Variants in NBEA observed in about 807,000 individuals in gnomAD.
NBEA encodes lysosomal-trafficking regulator 2.
In NBEA, 44 loss-of-function variants were observed where a neutral mutation model predicts 343.4. That is an observed-to-expected ratio of 0.13 (90% CI 0.10 to 0.16). NBEA has a LOEUF of 0.16. NBEA is among the 10% of genes least tolerant of loss of function. NBEA has a pLI of 1.00. For synonymous variants in NBEA, 1,175 were observed against 1,238.7 expected (o/e 0.95, Z 1.08); for missense variants, 2,555 against 3,631.3 (o/e 0.70, Z 7.62).
At chr13:35,400,020 TG>T (rs2042923454) in intron 38 of NBEA, among the ~76,000 whole-genome samples, 4 of 151,224 alleles carry the variant, frequency 2.6e-5, no homozygotes, top group African/African-American at 4.9e-5. Flanking sequence ...CTAAAACAGT[TG>T]TAGTAACATC....
intron 41 of NBEA, among the ~76,000 whole-genome samples, chr13:35,529,650 A>G (rs1179588334): frequency 1.3e-5 from 2 of 152,198 alleles, no homozygotes; most frequent in East Asian, 1.9e-4. Context: ...TCAAATAACC[A>G]TCTGATTCAG....
chr13:35,001,938 T>C (rs976957042), intron 1 of NBEA, among the ~76,000 whole-genome samples: 4 of 152,194 alleles, frequency 2.6e-5, no homozygotes, highest in Non-Finnish European at 5.9e-5. Flanking sequence ...ACAATTATTA[T>C]GTTAATTAAA....
At chr13:35,034,724 G>A (rs2062375158) in intron 1 of NBEA, among the ~76,000 whole-genome samples, 1 of 151,794 alleles carries the variant, frequency 6.6e-6, no homozygotes, top group African/African-American at 2.4e-5. Flanking sequence ...TTATTAATCT[G>A]TTCAGGTTTT....
In NBEA at chr13:35,593,314, G is replaced by GT. The variant is rs751069153; in HGVS notation, c.7177-7dup. The GT allele has an allele frequency of 5.6e-6, 9 of 1,610,562 alleles. No homozygotes were observed. The highest frequency in any genetic ancestry group is 3.3e-5 in the South Asian group (3 of 90,710). Reference sequence around the variant, plus strand: ...TTAGAGTGGTCAAATTTCTGATTCTGTTTTTTTGCTTAGGAACCTTTCACA... The same window carrying GT: ...TTAGAGTGGTCAAATTTCTGATTCTGTTTTTTTTGCTTAGGAACCTTTCACA... On this transcript the variant is annotated splice_polypyrimidine_tract_variant and intron_variant, in intron 46 of 58. Transcript: ENST00000379939.
chr13:35,637,588 C>G (rs1302679317), intron 49 of NBEA, among the ~76,000 whole-genome samples: 1 of 152,072 alleles, frequency 6.6e-6, no homozygotes, highest in Non-Finnish European at 1.5e-5. Context: ...CTTTGGGAGG[C>G]TGAGGCAGGC....
intron 11 of NBEA, among the ~76,000 whole-genome samples, chr13:35,108,047 C>G (rs1243885179): frequency 1.3e-5 from 2 of 151,946 alleles, no homozygotes; most frequent in Admixed American, 1.3e-4. Context: ...TTGAGTTATC[C>G]TTATTATGAG....
chr13:35,480,355 A>G (rs1397524238), intron 41 of NBEA, among the ~76,000 whole-genome samples: 1 of 152,034 alleles, frequency 6.6e-6, no homozygotes, highest in Non-Finnish European at 1.5e-5. Flanking sequence ...TTTGTTTTCG[A>G]AAAAAACCTG....
intron 36 of NBEA, among the ~76,000 whole-genome samples, chr13:35,314,018 T>C (rs893947633): frequency 6.6e-6 from 1 of 152,090 alleles, no homozygotes; most frequent in Non-Finnish European, 1.5e-5. Context: ...GAAGGCAATA[T>C]TGACAGCATA....
intron 27 of NBEA, among the ~76,000 whole-genome samples, chr13:35,174,239 T>C (rs1005704256): frequency 6.6e-5 from 10 of 152,148 alleles, no homozygotes; most frequent in African/African-American, 2.4e-4. Flanking sequence ...TTCCATAAAG[T>C]ATTCATCCTT....
chr13:35,297,099 C>T (rs1032399755), intron 35 of NBEA, among the ~76,000 whole-genome samples: 2 of 151,936 alleles, frequency 1.3e-5, no homozygotes, highest in African/African-American at 2.4e-5. Context: ...AGATGATAGA[C>T]ATTATTCAGC....
At chr13:35,077,286 A>T (rs2152591707) in intron 10 of NBEA, among the ~76,000 whole-genome samples, 1 of 152,244 alleles carries the variant, frequency 6.6e-6, no homozygotes, top group South Asian at 2.1e-4. Flanking sequence ...TTATACACAT[A>T]AACCATTGAT....
intron 31 of NBEA, among the ~76,000 whole-genome samples, chr13:35,201,858 G>A (rs1182964070): frequency 1.3e-5 from 2 of 151,952 alleles, no homozygotes; most frequent in African/African-American, 4.8e-5. Flanking sequence ...GCGTCTCTAA[G>A]GTGGATTCTT....
At chr13:35,439,498 C>A (rs2152935777) in intron 39 of NBEA, among the ~76,000 whole-genome samples, 1 of 152,230 alleles carries the variant, frequency 6.6e-6, no homozygotes, top group South Asian at 2.1e-4. Context: ...ACCCTTACTC[C>A]TTTGAATGGC....
chr13:35,644,922 TAA>T (rs907464821), intron 49 of NBEA, among the ~76,000 whole-genome samples: 2 of 152,318 alleles, frequency 1.3e-5, no homozygotes, highest in Non-Finnish European at 2.9e-5. Flanking sequence ...GGACAGCACT[TAA>T]AGAGATTTAA....
intron 49 of NBEA, among the ~76,000 whole-genome samples, chr13:35,634,879 A>G (rs2083628173): frequency 6.6e-6 from 1 of 152,122 alleles, no homozygotes; most frequent in South Asian, 2.1e-4. Context: ...GGCTATGGTG[A>G]AAATATGCCC....
intron 36 of NBEA, among the ~76,000 whole-genome samples, chr13:35,313,139 C>T (rs1419622066): frequency 2.0e-5 from 3 of 152,130 alleles, no homozygotes; most frequent in East Asian, 1.9e-4. Context: ...CATCTTGACA[C>T]GACTGGTTGT....
At chr13:35,290,688 C>G (rs2035749745) in intron 35 of NBEA, among the ~76,000 whole-genome samples, 1 of 140,518 alleles carries the variant, frequency 7.1e-6, no homozygotes. Flanking sequence ...TATTATTCTC[C>G]TACCCTTTCG....
intron 33 of NBEA, among the ~76,000 whole-genome samples, chr13:35,224,276 A>G (rs2074535582): frequency 6.6e-6 from 1 of 152,160 alleles, no homozygotes; most frequent in Non-Finnish European, 1.5e-5. Flanking sequence ...CATGTAATAT[A>G]GTTTATTCAA....
chr13:35,261,996 G>A (rs13378628), intron 34 of NBEA, among the ~76,000 whole-genome samples: 7,022 of 152,270 alleles, frequency 0.046, 172 homozygotes, highest in African/African-American at 0.065. Flanking sequence ...CAAATAGCTA[G>A]TTCACTTAAC....
Sources: gnomAD v4.1 joint callset for allele counts (sites outside exome capture counted in the v4.1 genomes callset) on GRCh38, gnomAD v4.1.1 for gene constraint, MANE v1.5 for transcripts, NCBI Gene and HGNC (gene_info 2026-07-23, HGNC 2026-07-21) for gene names.